The following CPED1 variants were observed in gnomAD, a reference collection of about 807,000 sequenced individuals.
CPED1 encodes cadherin like and PC-esterase domain containing 1.
CPED1 carries 114 observed loss-of-function variants against 128.2 expected under a neutral mutation model. The observed-to-expected ratio is 0.89, with a 90% CI of 0.76 to 1.04. The LOEUF (loss-of-function observed/expected upper bound fraction) is 1.04. Among genes scored for constraint, CPED1 ranks in the 50% least tolerant of loss-of-function variants. The pLI, the probability that CPED1 is intolerant of heterozygous loss-of-function variation, is 0.00. For missense variants in CPED1, 1,211 were observed against 1,207.1 expected (o/e 1.00, Z -0.05); for synonymous variants, 462 against 426.7 (o/e 1.08, Z -1.02).
At chr7:121,036,889 A>G (rs560480232) in intron 3 of CPED1, among the ~76,000 whole-genome samples, 27 of 152,176 alleles carry the variant, frequency 1.8e-4, no homozygotes, top group African/African-American at 6.3e-4. Flanking sequence ...CCTGATAATT[A>G]GTGATGTTGA....
At chr7:121,256,380 T>C (rs984190618) in intron 18 of CPED1, among the ~76,000 whole-genome samples, 3 of 152,056 alleles carry the variant, frequency 2.0e-5, no homozygotes, top group South Asian at 4.1e-4. Context: ...GCTAGACATA[T>C]GCAGAAGAAT....
rs112215085 is a variant in CPED1 at position 121,220,973 on chromosome 7, CT to C, written c.2056-15733del. Among the ~76,000 whole-genome samples, 153 of 151,782 alleles carry C rather than the reference CT, an allele frequency of 1.0e-3. 3 individuals carry two copies. The highest frequency in any genetic ancestry group is 3.5e-3 in the African/African-American group (147 of 41,450). ...CTCCATATCTTTACTCTATATCCAT[CT>C]TTTTTTTATTATACTTTAAGTTCTA... On this transcript the variant is annotated intron_variant, in intron 16 of 22. Coordinates refer to ENST00000310396, the MANE Select transcript of CPED1 (RefSeq NM_024913.5).
At chr7:121,007,160 G>C (rs1792039320) in intron 2 of CPED1, among the ~76,000 whole-genome samples, 1 of 151,926 alleles carries the variant, frequency 6.6e-6, no homozygotes, top group South Asian at 2.1e-4. Context: ...AGCCTCACTG[G>C]AGCCGAAGCT....
intron 14 of CPED1, among the ~76,000 whole-genome samples, chr7:121,138,620 G>A (rs746097322): frequency 1.1e-4 from 16 of 151,998 alleles, no homozygotes; most frequent in Admixed American, 7.2e-4. Context: ...ATTGAAAACC[G>A]TGACTATTAA....
At chr7:121,173,186 T>C (rs1320404942) in intron 16 of CPED1, among the ~76,000 whole-genome samples, 2 of 152,182 alleles carry the variant, frequency 1.3e-5, no homozygotes, top group East Asian at 3.8e-4. Context: ...TAATAGTGTT[T>C]ACATCTCCAT....
At chr7:121,060,748 A>T (rs563187312) in intron 4 of CPED1, among the ~76,000 whole-genome samples, 9 of 152,264 alleles carry the variant, frequency 5.9e-5, no homozygotes, top group African/African-American at 1.7e-4. Context: ...CAGATAAGAG[A>T]ATAAAAGCAG....
chr7:121,218,451 T>C (rs899116556), intron 16 of CPED1, among the ~76,000 whole-genome samples: 3 of 152,160 alleles, frequency 2.0e-5, no homozygotes, highest in Non-Finnish European at 4.4e-5. Context: ...TCATATGCTT[T>C]ATTAGCAGAC....
At chr7:121,032,026 A>G (rs1343605736) in intron 3 of CPED1, among the ~76,000 whole-genome samples, 1 of 152,194 alleles carries the variant, frequency 6.6e-6, no homozygotes, top group Non-Finnish European at 1.5e-5. Context: ...GAAAACTCTC[A>G]TACATTGCTT....
chr7:121,229,522 G>A (rs531432442), intron 16 of CPED1, among the ~76,000 whole-genome samples: 44 of 149,766 alleles, frequency 2.9e-4, no homozygotes, highest in African/African-American at 9.4e-4. Context: ...TGAAATGAAG[G>A]TCCTTGTAAT....
In CPED1 at chr7:121,266,340, C is replaced by T. The variant is rs549423133; in HGVS notation, c.2424C>T (p.Asn808=). Residue 808 remains asparagine (N), a synonymous_variant, in exon 19 of 23, where the codon AAC becomes AAT. Coordinates refer to ENST00000310396, the MANE Select transcript of CPED1 (RefSeq NM_024913.5). ...QKVHGTKFYH[N]VNGGKTLISY... ...TACATGGCACTAAATTCTATCACAA[C>T]GTCAATGGTGGGAAGACTTTGATCA... 1.4e-5 allele frequency: 23 copies of T among 1,613,002 alleles called. 1 individual carries two copies. The highest frequency in any genetic ancestry group is 1.2e-4 in the South Asian group (11 of 91,060).
chr7:121,277,391 C>T (rs1425439477), intron 22 of CPED1, among the ~76,000 whole-genome samples: 2 of 151,974 alleles, frequency 1.3e-5, no homozygotes. Flanking sequence ...TGAGAGATGG[C>T]ACAGGGAGTC....
At chr7:121,195,571 GT>G (rs1408395139) in intron 16 of CPED1, among the ~76,000 whole-genome samples, 1 of 152,120 alleles carries the variant, frequency 6.6e-6, no homozygotes, top group African/African-American at 2.4e-5. Flanking sequence ...ATGTAGAAAA[GT>G]TTAGATAAGT....
At chr7:121,093,397 T>TACACACACACACACAC (rs10526224) in intron 5 of CPED1, among the ~76,000 whole-genome samples, 1,735 of 145,544 alleles carry the variant, frequency 0.012, 26 homozygotes, top group East Asian at 0.038. Flanking sequence ...CCTTTTTCTG[T>TACACACACACACACAC]ACACACACAC....
At chr7:121,114,322 C>A (rs1795183340) in intron 7 of CPED1, among the ~76,000 whole-genome samples, 1 of 152,146 alleles carries the variant, frequency 6.6e-6, no homozygotes, top group African/African-American at 2.4e-5. Flanking sequence ...TCTGCATTCC[C>A]CCCATAAAGC....
At chr7:121,183,275 A>C (rs929647354) in intron 16 of CPED1, among the ~76,000 whole-genome samples, 1 of 152,226 alleles carries the variant, frequency 6.6e-6, no homozygotes, top group Non-Finnish European at 1.5e-5. Context: ...GACATATGGC[A>C]ATAAAAATTC....
At chr7:121,027,627 A>C (rs1792623385) in intron 3 of CPED1, among the ~76,000 whole-genome samples, 1 of 151,978 alleles carries the variant, frequency 6.6e-6, no homozygotes, top group South Asian at 2.1e-4. Flanking sequence ...AACAGAACTC[A>C]CATCCCCCTA....
intron 3 of CPED1, among the ~76,000 whole-genome samples, chr7:121,043,579 C>T (rs571415554): frequency 8.2e-4 from 125 of 152,208 alleles, no homozygotes; most frequent in African/African-American, 2.8e-3. Flanking sequence ...CTCATGGAAA[C>T]CTGGAACACT....
At chr7:121,135,990 A>G in intron 13 of CPED1, 50 bp from the exon 14 acceptor site, 1 of 1,355,878 alleles carries the variant, frequency 7.4e-7, no homozygotes, top group Non-Finnish European at 9.9e-7. Flanking sequence ...ATATTTTAAC[A>G]TTTTGATTAA....
chr7:121,171,209 C>A (rs1051032756), intron 16 of CPED1, among the ~76,000 whole-genome samples: 2 of 152,154 alleles, frequency 1.3e-5, no homozygotes, highest in African/African-American at 4.8e-5. Flanking sequence ...AATGCCCCTG[C>A]TACCATTTAA....
Sources: allele counts gnomAD v4.1 joint callset (sites outside exome capture counted in the v4.1 genomes callset), GRCh38; gene constraint gnomAD v4.1.1; transcripts MANE v1.5; gene names NCBI Gene and HGNC (gene_info 2026-07-23, HGNC 2026-07-21).